COPB1: variants seen among roughly 807,000 people sequenced by gnomAD.
COPB1 encodes the protein coat protein complex I subunit beta 1, also known as coatomer subunit beta.
A neutral mutation model predicts 108.7 loss-of-function variants in COPB1; 21 were observed. That is an observed-to-expected ratio of 0.19 (90% confidence interval 0.14 to 0.28). COPB1 has a LOEUF of 0.28. COPB1 is among the 10% of genes least tolerant of loss of function. The pLI, the probability that COPB1 is intolerant of heterozygous loss-of-function variation, is 1.00. For missense variants in COPB1, 919 were observed against 1,141.3 expected (o/e 0.81, Z 2.81); for synonymous variants, 378 against 386.8 (o/e 0.98, Z 0.27).
chr11:14,493,857 C>G lies in COPB1; in HGVS notation c.322-46G>C, dbSNP rs758274883. 2.1e-6 allele frequency: 3 copies of G among 1,421,776 alleles called. No homozygotes were observed. In the South Asian group the frequency reaches 4.5e-5, roughly 21 times the overall value. The allele number at this position is 1,421,776 out of a possible 1,614,324, so 88.1% of individuals were successfully genotyped here. A position where few individuals can be genotyped will look rare whatever the true frequency, so the allele number is the denominator to read the frequency against. ...TGAAATGCTGAGTTTCAGCTTTTTA[C>G]AAAAAGAAAATTTTAATGCAAAACT... On this transcript the variant is annotated intron_variant, in intron 3 of 21. Coordinates refer to ENST00000439561, the MANE Select transcript of COPB1 (RefSeq NM_001144061.2).
intron 7 of COPB1, 89 bp from the exon 8 acceptor site, chr11:14,483,240 A>G: frequency 1.5e-6 from 1 of 656,024 alleles, no homozygotes; most frequent in Non-Finnish European, 2.4e-6. Context: ...ACACACACAC[A>G]CACACACACA....
intron 17 of COPB1, among the ~76,000 whole-genome samples, chr11:14,465,998 C>T (rs1204812186): frequency 3.9e-5 from 6 of 152,146 alleles, no homozygotes; most frequent in Non-Finnish European, 7.3e-5. Flanking sequence ...GGTCAATCTG[C>T]GACTTAAACA....
At chr11:14,466,870 C>T (rs1002259730) in intron 16 of COPB1, among the ~76,000 whole-genome samples, 1 of 152,056 alleles carries the variant, frequency 6.6e-6, no homozygotes, top group African/African-American at 2.4e-5. Flanking sequence ...CATGTGGTAG[C>T]CCTTGCTCCA....
At position 14,493,768 on chromosome 11, in the gene COPB1, C is replaced by G; in HGVS notation, c.365G>C (p.Arg122Pro). 1 of 1,612,060 alleles carries G rather than the reference C, an allele frequency of 6.2e-7. No individual in the cohort carries two copies. Among genetic ancestry groups the G allele is most frequent in the Non-Finnish European group, 8.5e-7 (1 of 1,179,152 alleles). The change falls in exon 4 of 22, where the codon CGT (arginine) becomes CCT (proline). Residue 122 changes from arginine (R) to proline (P), a missense_variant. Physicochemically the swap from Arg to Pro is moderately radical, Grantham distance 103. This residue lies in a region of COPB1 where 22 missense variants were observed against 58.8 expected (regional missense o/e 0.37). Coordinates refer to ENST00000439561, the MANE Select transcript of COPB1 (RefSeq NM_001144061.2). ...PNEFIRGSTL[R>P]FLCKLKEAEL... Reference sequence around the variant, plus strand: ...TGCTTCTTTCAATTTGCAAAGAAAACGAAGAGTAGATCCTCGAATAAATTC... The same window carrying G: ...TGCTTCTTTCAATTTGCAAAGAAAAGGAAGAGTAGATCCTCGAATAAATTC...
At chr11:14,487,462 G>C (rs2134121445) in intron 6 of COPB1, among the ~76,000 whole-genome samples, 1 of 152,188 alleles carries the variant, frequency 6.6e-6, no homozygotes, top group South Asian at 2.1e-4. Context: ...AGATCACGAG[G>C]TCAGGAGTTT....
At chr11:14,487,656 T>C (rs183649711) in intron 6 of COPB1, among the ~76,000 whole-genome samples, 10 of 150,622 alleles carry the variant, frequency 6.6e-5, no homozygotes, top group South Asian at 4.2e-4. Flanking sequence ...GCCTGGGCAA[T>C]AGAGTGAGAC....
At chr11:14,490,736 T>TAAC in intron 4 of COPB1, 57 bp from the exon 5 acceptor site, 3 of 949,254 alleles carry the variant, frequency 3.2e-6, no homozygotes, top group Non-Finnish European at 4.9e-6. Context: ...ACTATTTTAG[T>TAAC]AACTCTCTGG....
intron 18 of COPB1, among the ~76,000 whole-genome samples, chr11:14,463,672 T>C (rs1362305530): frequency 6.6e-6 from 1 of 152,234 alleles, no homozygotes; most frequent in Non-Finnish European, 1.5e-5. Context: ...CAAACTGTCC[T>C]TGAATATCTT....
At chr11:14,477,896 C>CAAAA (rs1289045044) in intron 11 of COPB1, among the ~76,000 whole-genome samples, 6 of 59,866 alleles carry the variant, frequency 1.0e-4, no homozygotes, top group African/African-American at 1.3e-4. Context: ...GACTCCATCT[C>CAAAA]AAAAAAAAAA....
intron 2 of COPB1, 120 bp downstream of exon 2, chr11:14,498,718 T>A (rs1460168956): frequency 1.4e-6 from 1 of 729,800 alleles, no homozygotes; most frequent in Admixed American, 3.2e-5. Flanking sequence ...ATCGAAGAGA[T>A]CCTAGAAAAA....
intron 14 of COPB1, among the ~76,000 whole-genome samples, chr11:14,470,932 ACACACACACACACTCT>A (rs1230850088): frequency 1.8e-4 from 16 of 91,114 alleles, no homozygotes; most frequent in African/African-American, 6.2e-4. Flanking sequence ...ACACACACAC[ACACACACACACACTCT>A]CTCTCTCTCT....
chr11:14,483,226 C>T, intron 7 of COPB1, 75 bp from the exon 8 acceptor site: 1 of 831,444 alleles, frequency 1.2e-6, no homozygotes, highest in Non-Finnish European at 1.7e-6. Context: ...TGCGCGCGCA[C>T]ACCACACACA....
chr11:14,457,749 A>C lies in COPB1; in HGVS notation c.*75T>G. The C allele has an allele frequency of 1.1e-6, 1 of 887,356 alleles. No homozygotes were observed. Among genetic ancestry groups the C allele is most frequent in the East Asian group, 2.5e-5 (1 of 40,584 alleles). 55.0% of individuals were successfully genotyped at this position (887,356 alleles called of 1,614,324 possible). On this transcript the variant is annotated 3_prime_UTR_variant, in exon 22 of 22. Transcript: ENST00000439561. ...CTCAGATTCTATATAAGCATGAAAGAGTACAAAAGATGTTGGAGTCCAGTA... is the reference window on the plus strand; with the variant it reads ...CTCAGATTCTATATAAGCATGAAAGCGTACAAAAGATGTTGGAGTCCAGTA...
chr11:14,472,827 A>G (rs542563618), intron 14 of COPB1, among the ~76,000 whole-genome samples: 169 of 152,286 alleles, frequency 1.1e-3, no homozygotes, highest in African/African-American at 3.9e-3. Flanking sequence ...GAAGCTTCCT[A>G]ACCTCTCTCA....
chr11:14,483,848 C>T (rs1850713385), intron 7 of COPB1, among the ~76,000 whole-genome samples: 1 of 152,126 alleles, frequency 6.6e-6, no homozygotes, highest in Admixed American at 6.5e-5. Flanking sequence ...CTGATGGATG[C>T]TAAAATAAGT....
chr11:14,474,876 A>C (rs1850484976), intron 13 of COPB1, among the ~76,000 whole-genome samples: 1 of 152,082 alleles, frequency 6.6e-6, no homozygotes, highest in Non-Finnish European at 1.5e-5. Flanking sequence ...CGGGCGGATT[A>C]CCTGAGGTCA....
intron 21 of COPB1, 82 bp from the exon 22 acceptor site, chr11:14,457,965 C>G (rs550648879): frequency 2.7e-6 from 2 of 734,376 alleles, no homozygotes; most frequent in East Asian, 6.2e-5. Flanking sequence ...AGCCCCAATT[C>G]AATTCAATGA....
intron 14 of COPB1, among the ~76,000 whole-genome samples, chr11:14,470,944 A>ACT (rs1162965849): frequency 0.041 from 3,721 of 89,850 alleles, 55 homozygotes; most frequent in Non-Finnish European, 0.051. Context: ...ACACACACAC[A>ACT]CTCTCTCTCT....
At position 14,458,579 on chromosome 11, in the gene COPB1, G is replaced by A. The variant is rs769863907; in HGVS notation, c.2755C>T (p.Pro919Ser). 3 of 1,613,414 alleles carry A rather than the reference G, an allele frequency of 1.9e-6. No homozygotes were observed. In the Admixed American group the frequency reaches 5.0e-5, roughly 27 times the overall value. The change falls in exon 21 of 22, where the codon CCA becomes TCA. Residue 919 changes from proline (P) to serine (S), a missense_variant. Physicochemically the swap from Pro to Ser is moderately conservative, Grantham distance 74. This residue lies in a region of COPB1 where 705 missense variants were observed against 817.8 expected (regional missense o/e 0.86). Coordinates refer to ENST00000439561, the MANE Select transcript of COPB1 (RefSeq NM_001144061.2). Reference protein sequence around the residue: ...VSIEKPIHQGPDAAVTGHIRI... With the variant: ...VSIEKPIHQGSDAAVTGHIRI... Reference sequence around the variant, plus strand: ...ATATGGCCGGTAACAGCAGCATCTGGTCCCTGGTGAATTGGCTTCTCAATG... The same window carrying A: ...ATATGGCCGGTAACAGCAGCATCTGATCCCTGGTGAATTGGCTTCTCAATG...
Sources: gnomAD v4.1 joint callset for allele counts (sites outside exome capture counted in the v4.1 genomes callset) on GRCh38, gnomAD v4.1.1 for gene constraint, gnomAD v4.1.1 regional missense constraint, MANE v1.5 for transcripts, NCBI Gene and HGNC (gene_info 2026-07-23, HGNC 2026-07-21) for gene names.